The following SHOC2 variants were observed in gnomAD, a reference collection of about 807,000 sequenced individuals.
The protein encoded by SHOC2 is leucine-rich repeat protein SHOC-2.
Under a neutral mutation model 50.2 loss-of-function variants are expected in SHOC2, and 4 were observed. The ratio of observed to expected loss-of-function variants is 0.08; its 90% confidence interval spans 0.04 to 0.18. The LOEUF (loss-of-function observed/expected upper bound fraction) is 0.18, where lower values mean the gene tolerates loss of function less well. SHOC2 is among the 10% of genes least tolerant of loss of function. SHOC2 has a pLI of 1.00. For missense variants in SHOC2, 388 were observed against 669.6 expected, an observed-to-expected ratio of 0.58 and a Z score of 4.64; for synonymous variants, 218 against 244.5, an observed-to-expected ratio of 0.89 and a Z score of 1.01.
chr10:110,963,714 T>C (rs963031568), intron 1 of SHOC2, among the ~76,000 whole-genome samples: 4 of 152,210 alleles, frequency 2.6e-5, no homozygotes, highest in Non-Finnish European at 4.4e-5. Flanking sequence ...AAAATATTTC[T>C]GTGCTTTAGT....
rs116071944 is a variant in SHOC2, at chr10:110,961,398, T to C, written c.-234-2727T>C. ...AGTGTCACCTGATTCAGGTCTGAAC[T>C]AGATCCAGAACTTAATTTTTGACTG... On this transcript the variant is annotated intron_variant, in intron 1 of 8. Transcript: ENST00000369452. Among the ~76,000 whole-genome samples, 780 of 152,354 alleles carry C rather than the reference T, an allele frequency of 5.1e-3. 4 individuals carry two copies. The highest frequency in any genetic ancestry group is 0.018 in the African/African-American group (733 of 41,580).
chr10:110,938,224 T>C (rs530411406), intron 1 of SHOC2, among the ~76,000 whole-genome samples: 14 of 152,308 alleles, frequency 9.2e-5, no homozygotes, highest in South Asian at 6.2e-4. Context: ...CATATTCTTA[T>C]ATTCATTTGC....
intron 5 of SHOC2, among the ~76,000 whole-genome samples, chr10:111,005,293 A>G (rs774100079): frequency 2.0e-5 from 3 of 152,176 alleles, no homozygotes; most frequent in Non-Finnish European, 4.4e-5. Flanking sequence ...CAAAAAAGGA[A>G]ATATGAATGT....
At chr10:110,980,317 C>T (rs1590815886) in intron 2 of SHOC2, among the ~76,000 whole-genome samples, 1 of 152,026 alleles carries the variant, frequency 6.6e-6, no homozygotes, top group Non-Finnish European at 1.5e-5. Context: ...CCACCATGCC[C>T]GGCTAATTTT....
intron 2 of SHOC2, among the ~76,000 whole-genome samples, chr10:110,970,025 C>G (rs543282124): frequency 6.6e-6 from 1 of 152,262 alleles, no homozygotes; most frequent in South Asian, 2.1e-4. Flanking sequence ...TTTATCATTG[C>G]TTTTCACTGG....
chr10:111,009,136 T>A (rs1449766885), intron 6 of SHOC2, 112 bp from the exon 7 acceptor site: 19 of 686,768 alleles, frequency 2.8e-5, no homozygotes, highest in Middle Eastern at 8.3e-4. Context: ...ACATCACCCT[T>A]AATATTCACT....
chr10:110,941,262 A>C (rs573654315), intron 1 of SHOC2, among the ~76,000 whole-genome samples: 1 of 151,438 alleles, frequency 6.6e-6, no homozygotes, highest in African/African-American at 2.4e-5. Context: ...TGTTTTCTGT[A>C]TCTCTTCTTC....
chr10:110,949,443 C>T (rs1043924065), intron 1 of SHOC2, among the ~76,000 whole-genome samples: 3 of 152,032 alleles, frequency 2.0e-5, no homozygotes, highest in African/African-American at 7.2e-5. Flanking sequence ...AATCAGTAAT[C>T]AAGAACCTCC....
chr10:110,996,944 T>A (rs1270099118), intron 3 of SHOC2, among the ~76,000 whole-genome samples: 1 of 152,172 alleles, frequency 6.6e-6, no homozygotes, highest in Non-Finnish European at 1.5e-5. Context: ...GAGAGGTGGG[T>A]AGAGCTTTAT....
At chr10:110,969,437 A>T (rs1467049339) in intron 2 of SHOC2, among the ~76,000 whole-genome samples, 1 of 152,228 alleles carries the variant, frequency 6.6e-6, no homozygotes, top group Non-Finnish European at 1.5e-5. Context: ...TGAGTGGATT[A>T]GAGCAGGGGC....
chr10:110,929,072 C>G (rs530080347), intron 1 of SHOC2, among the ~76,000 whole-genome samples: 13 of 152,248 alleles, frequency 8.5e-5, no homozygotes, highest in Admixed American at 2.0e-4. Flanking sequence ...GTGCCAAGAT[C>G]TTGAAGATTT....
intron 3 of SHOC2, among the ~76,000 whole-genome samples, chr10:110,989,771 T>C (rs1318721457): frequency 6.6e-6 from 1 of 152,234 alleles, no homozygotes; most frequent in African/African-American, 2.4e-5. Context: ...CTGGGCCAAT[T>C]CAACATATAG....
intron 1 of SHOC2, among the ~76,000 whole-genome samples, chr10:110,927,296 C>G (rs1000968522): frequency 6.6e-6 from 1 of 152,094 alleles, no homozygotes; most frequent in African/African-American, 2.4e-5. Flanking sequence ...AGCTTTAGTT[C>G]TGGTTCAAAT....
At chr10:110,994,552 CTT>C (rs1320565801) in intron 3 of SHOC2, among the ~76,000 whole-genome samples, 4 of 152,086 alleles carry the variant, frequency 2.6e-5, no homozygotes, top group African/African-American at 9.7e-5. Context: ...ACATGAAACA[CTT>C]TACAATGGTT....
chr10:111,002,054 A>G (rs1848387043), intron 4 of SHOC2, among the ~76,000 whole-genome samples: 1 of 152,166 alleles, frequency 6.6e-6, no homozygotes, highest in Admixed American at 6.5e-5. Context: ...TCAAAAAAAA[A>G]AAAATAAGTG....
intron 4 of SHOC2, among the ~76,000 whole-genome samples, chr10:111,001,151 A>G (rs1229601148): frequency 7.1e-6 from 1 of 141,234 alleles, no homozygotes; most frequent in African/African-American, 2.5e-5. Flanking sequence ...TGGGTAAGAT[A>G]TAATACTTTT....
chr10:110,955,913 A>C, intron 1 of SHOC2, among the ~76,000 whole-genome samples: 1 of 152,232 alleles, frequency 6.6e-6, no homozygotes. Context: ...GGAACAATTA[A>C]GCAAATAAAA....
rs182613963 is a variant in SHOC2, at chr10:110,954,400, G to A, written c.-234-9725G>A. ...TTCACTACCTAGTTATATGATAAAT[G>A]TTTATGTTAGCATCAAAATAAAGGG... On this transcript the variant is annotated intron_variant, in intron 1 of 8. Transcript: ENST00000369452. Among the ~76,000 whole-genome samples the A allele has an allele frequency of 3.9e-5, 6 of 152,198 alleles. No homozygotes were observed. The East Asian group carries it at 1.2e-3, about 29-fold the overall frequency.
chr10:110,934,923 A>G (rs571038690), intron 1 of SHOC2, among the ~76,000 whole-genome samples: 2 of 152,088 alleles, frequency 1.3e-5, no homozygotes, highest in Middle Eastern at 3.2e-3. Flanking sequence ...GGTAAAGTAA[A>G]TCTTTCTCCC....
Sources: allele counts gnomAD v4.1 joint callset (sites outside exome capture counted in the v4.1 genomes callset), GRCh38; gene constraint gnomAD v4.1.1; transcripts MANE v1.5; gene names NCBI Gene and HGNC (gene_info 2026-07-23, HGNC 2026-07-21).